Variants in EPHB1 observed in about 807,000 individuals in gnomAD.
EPHB1 encodes the protein ephrin type-B receptor 1.
EPHB1 carries 30 observed loss-of-function variants against 94.4 expected under a neutral mutation model. The observed-to-expected ratio is 0.32, with a 90% CI of 0.24 to 0.43. EPHB1 has a LOEUF of 0.43. EPHB1 is among the 20% of genes least tolerant of loss of function. The pLI is 1.00. For synonymous variants in EPHB1, 522 were observed against 489.1 expected (o/e 1.07, Z -0.89); for missense variants, 1,055 against 1,308.3 (o/e 0.81, Z 2.99).
intron 12 of EPHB1, among the ~76,000 whole-genome samples, chr3:135,229,933 G>A (rs1414966665): frequency 6.6e-6 from 1 of 152,172 alleles, no homozygotes; most frequent in African/African-American, 2.4e-5. Flanking sequence ...AAGGTGGAAT[G>A]GCATCATGGC....
chr3:134,916,075 G>C (rs922021259), intron 1 of EPHB1, among the ~76,000 whole-genome samples: 1 of 152,126 alleles, frequency 6.6e-6, no homozygotes, highest in Admixed American at 6.5e-5. Context: ...TACAATCCCT[G>C]AGCTAGACAC....
intron 4 of EPHB1, among the ~76,000 whole-genome samples, chr3:135,107,417 T>C (rs182147967): frequency 2.8e-5 from 4 of 143,090 alleles, no homozygotes; most frequent in Admixed American, 2.1e-4. Context: ...TTTGGATAAT[T>C]TGCTCCTACT....
At chr3:134,838,760 A>C (rs1477218605) in intron 1 of EPHB1, among the ~76,000 whole-genome samples, 1 of 152,194 alleles carries the variant, frequency 6.6e-6, no homozygotes, top group Non-Finnish European at 1.5e-5. Flanking sequence ...ATCATGTCTT[A>C]AGTTTGGTGA....
chr3:135,043,260 AAAT>A (rs887161503), intron 3 of EPHB1, among the ~76,000 whole-genome samples: 24 of 148,620 alleles, frequency 1.6e-4, no homozygotes, highest in South Asian at 6.3e-4. Flanking sequence ...ATCAAATAAT[AAAT>A]AATAATAATA....
intron 3 of EPHB1, among the ~76,000 whole-genome samples, chr3:134,983,474 G>C (rs769522972): frequency 2.6e-5 from 4 of 152,226 alleles, no homozygotes; most frequent in Non-Finnish European, 5.9e-5. Context: ...CTTGCCATCT[G>C]GGTTCAGACT....
chr3:134,878,066 C>T (rs1460130102), intron 1 of EPHB1, among the ~76,000 whole-genome samples: 1 of 152,206 alleles, frequency 6.6e-6, no homozygotes, highest in Non-Finnish European at 1.5e-5. Flanking sequence ...AGCCTTCCCC[C>T]GGAGGGCAGG....
chr3:135,181,940 C>T (rs987823111), intron 10 of EPHB1, among the ~76,000 whole-genome samples: 1 of 152,144 alleles, frequency 6.6e-6, no homozygotes, highest in African/African-American at 2.4e-5. Flanking sequence ...TTCTATGATG[C>T]CCAGTAGCAT....
intron 15 of EPHB1, among the ~76,000 whole-genome samples, chr3:135,257,683 C>G (rs1198341477): frequency 1.3e-5 from 2 of 148,544 alleles, no homozygotes; most frequent in East Asian, 3.9e-4. Context: ...TTGTCTGTGC[C>G]CTGCCCCCAG....
intron 4 of EPHB1, among the ~76,000 whole-genome samples, chr3:135,124,109 C>T (rs973263965): frequency 6.6e-6 from 1 of 151,900 alleles, no homozygotes; most frequent in East Asian, 1.9e-4. Context: ...TGTTATATGG[C>T]AACCATGCTG....
chr3:135,121,896 A>G (rs1166392304), intron 4 of EPHB1, among the ~76,000 whole-genome samples: 1 of 151,946 alleles, frequency 6.6e-6, no homozygotes, highest in Non-Finnish European at 1.5e-5. Context: ...AGATAACTAT[A>G]TCAGGCAGTC....
intron 3 of EPHB1, among the ~76,000 whole-genome samples, chr3:134,966,200 C>T (rs1044176009): frequency 6.6e-6 from 1 of 152,154 alleles, no homozygotes; most frequent in Admixed American, 6.5e-5. Flanking sequence ...AAAGCAGTTG[C>T]TAATTAGAGC....
intron 1 of EPHB1, among the ~76,000 whole-genome samples, chr3:134,873,016 A>G (rs6789763): frequency 0.38 from 57,312 of 152,106 alleles, 13,133 homozygotes; most frequent in African/African-American, 0.65. Context: ...TTTAGCCACA[A>G]TTCACACAGT....
intron 1 of EPHB1, among the ~76,000 whole-genome samples, chr3:134,805,176 ATC>A: frequency 6.6e-6 from 1 of 152,240 alleles, no homozygotes; most frequent in South Asian, 2.1e-4. Flanking sequence ...GTGCTGAACT[ATC>A]TGTGCAGGTT....
chr3:135,079,970 G>A (rs1938104554), intron 3 of EPHB1, among the ~76,000 whole-genome samples: 1 of 152,160 alleles, frequency 6.6e-6, no homozygotes, highest in Non-Finnish European at 1.5e-5. Context: ...CCCCTGGCTG[G>A]ACGAAGAGGT....
chr3:134,816,309 G>T (rs1190495755), intron 1 of EPHB1, among the ~76,000 whole-genome samples: 7 of 151,998 alleles, frequency 4.6e-5, no homozygotes, highest in Non-Finnish European at 1.0e-4. Flanking sequence ...GGCCAGGCTG[G>T]TTTCGAACTC....
At chr3:134,924,093 A>G (rs1408585848) in intron 1 of EPHB1, among the ~76,000 whole-genome samples, 1 of 152,220 alleles carries the variant, frequency 6.6e-6, no homozygotes, top group Non-Finnish European at 1.5e-5. Context: ...CACATCAAGA[A>G]AAAAGCACAT....
chr3:134,802,251 A>G (rs927014406), intron 1 of EPHB1, among the ~76,000 whole-genome samples: 1 of 151,858 alleles, frequency 6.6e-6, no homozygotes, highest in South Asian at 2.1e-4. Context: ...CCTGGCTAAC[A>G]CAGTGAAACC....
intron 15 of EPHB1, among the ~76,000 whole-genome samples, chr3:135,251,181 C>G (rs1933071319): frequency 6.6e-6 from 1 of 151,776 alleles, no homozygotes; most frequent in Non-Finnish European, 1.5e-5. Context: ...CCTGGTGATG[C>G]CAAAAAAAGA....
At chr3:135,231,758 T>C (rs892135620) in intron 12 of EPHB1, among the ~76,000 whole-genome samples, 1 of 152,254 alleles carries the variant, frequency 6.6e-6, no homozygotes, top group Non-Finnish European at 1.5e-5. Context: ...CTTTTTGGGT[T>C]GTCTTTTCTC....
Sources: allele counts gnomAD v4.1 joint callset (sites outside exome capture counted in the v4.1 genomes callset), GRCh38; gene constraint gnomAD v4.1.1; transcripts MANE v1.5; gene names NCBI Gene and HGNC (gene_info 2026-07-23, HGNC 2026-07-21).